P4HA1: variants seen among roughly 807,000 people sequenced by gnomAD.
P4HA1 encodes the protein prolyl 4-hydroxylase subunit alpha-1.
A neutral mutation model predicts 72.8 loss-of-function variants in P4HA1; 24 were observed. The ratio of observed to expected loss-of-function variants is 0.33; its 90% CI spans 0.24 to 0.46. The LOEUF (loss-of-function observed/expected upper bound fraction) is 0.46, where lower values mean the gene tolerates loss of function less well. Ranked by LOEUF, P4HA1 falls within the 20% of genes least tolerant of loss-of-function variation. The pLI is 1.00. For synonymous variants in P4HA1, 201 were observed against 218.8 expected (o/e 0.92, Z 0.72); for missense variants, 446 against 640.6 (o/e 0.70, Z 3.28).
rs1204915607 is a variant in P4HA1 at position 73,053,576 on chromosome 10, A to G, written c.478T>C (p.Ser160Pro). The change falls in exon 6 of 15, where the codon TCT becomes CCT. Residue 160 changes from serine to proline, a missense_variant. Coordinates refer to ENST00000394890, the MANE Select transcript of P4HA1 (RefSeq NM_001017962.3). ...AAGCAGTCCTCAGCCGTTAGAAAAG[A>G]TTTGTGTTTCACTCCTATGAAAAGA... ...KGNLPGVKHK[S>P]FLTAEDCFEL... The G allele has an allele frequency of 6.2e-7, 1 of 1,613,754 alleles. No homozygotes were observed. The highest frequency in any genetic ancestry group is 2.2e-5 in the East Asian group (1 of 44,870).
At chr10:73,090,814 A>G (rs1452179619) in intron 1 of P4HA1, among the ~76,000 whole-genome samples, 2 of 151,986 alleles carry the variant, frequency 1.3e-5, no homozygotes, top group East Asian at 3.9e-4. Context: ...TAATCCCAGC[A>G]CTTTGGGAGG....
intron 1 of P4HA1, among the ~76,000 whole-genome samples, chr10:73,089,875 T>A (rs1841993766): frequency 6.6e-6 from 1 of 152,192 alleles, no homozygotes; most frequent in African/African-American, 2.4e-5. Flanking sequence ...ATACTGCCGA[T>A]GCCCCGGCTA....
At position 73,051,035 on chromosome 10, in the gene P4HA1, T is replaced by C. The variant is rs529115205; in HGVS notation, c.900+18A>G. On this transcript the variant is annotated intron_variant, in intron 7 of 14. Coordinates refer to ENST00000394890, the MANE Select transcript of P4HA1 (RefSeq NM_001017962.3). Reference sequence around the variant, plus strand: ...CACACACACATTCACATACACACAATTGGCTTTTCCACTTTACCATTTTGA... The same window carrying C: ...CACACACACATTCACATACACACAACTGGCTTTTCCACTTTACCATTTTGA... The C allele has an allele frequency of 3.1e-6, 5 of 1,589,444 alleles. No individual in the cohort carries two copies. Among genetic ancestry groups the C allele is most frequent in the African/African-American group, 1.3e-5 (1 of 74,370 alleles).
chr10:73,047,908 C>T (rs1840912451), intron 7 of P4HA1, among the ~76,000 whole-genome samples: 3 of 152,008 alleles, frequency 2.0e-5, no homozygotes, highest in Admixed American at 1.3e-4. Flanking sequence ...AAAAATTAGC[C>T]GGACATGAGG....
chr10:73,059,424 TAAAAAAAAAAAAAAAAAAAAA>T (rs920360586), intron 5 of P4HA1, among the ~76,000 whole-genome samples: 32 of 24,180 alleles, frequency 1.3e-3, no homozygotes, highest in East Asian at 0.011. Context: ...ACAATATATT[TAAAAAAAAAAAAAAAAAAAAA>T]AAAAAAAAAA....
At chr10:73,027,797 G>A (rs1404333571) in intron 10 of P4HA1, among the ~76,000 whole-genome samples, 1 of 135,482 alleles carries the variant, frequency 7.4e-6, no homozygotes, top group Non-Finnish European at 1.6e-5. Context: ...AACATGGAAG[G>A]AAGGAAATAT....
At position 73,044,941 on chromosome 10, in the gene P4HA1, C is replaced by T. The variant is rs139417486; in HGVS notation, c.1148+40G>A. On this transcript the variant is annotated intron_variant, in intron 9 of 14. Transcript: ENST00000394890. ...TAATTCCTGTAAGATGTATAAAACA[C>T]TCATTAGAGGGCAAAATATGCAGCA... The T allele has an allele frequency of 1.1e-4, 159 of 1,504,948 alleles. No homozygotes were observed. The African/African-American group carries it at 1.6e-3, about 15-fold the overall frequency. 93.2% of individuals were successfully genotyped at this position (1,504,948 alleles called of 1,614,324 possible).
chr10:73,069,850 G>A (rs1841511330), intron 4 of P4HA1, among the ~76,000 whole-genome samples: 1 of 149,168 alleles, frequency 6.7e-6, no homozygotes, highest in South Asian at 2.1e-4. Context: ...TGTCATCCAG[G>A]CTGGAGAGCA....
At chr10:73,058,109 AAAAAAAAAAAG>A (rs1441134478) in intron 5 of P4HA1, among the ~76,000 whole-genome samples, 2 of 150,584 alleles carry the variant, frequency 1.3e-5, no homozygotes, top group African/African-American at 4.9e-5. Flanking sequence ...AAAAAAAAAA[AAAAAAAAAAAG>A]GTGAATAAAG....
At chr10:73,045,923 A>T (rs1254035199) in intron 8 of P4HA1, among the ~76,000 whole-genome samples, 1 of 151,990 alleles carries the variant, frequency 6.6e-6, no homozygotes, top group Non-Finnish European at 1.5e-5. Flanking sequence ...CTCTAAAAGA[A>T]ATTCTAACTT....
intron 5 of P4HA1, among the ~76,000 whole-genome samples, chr10:73,066,849 G>A (rs1324761315): frequency 6.6e-6 from 1 of 152,146 alleles, no homozygotes; most frequent in African/African-American, 2.4e-5. Flanking sequence ...CTGTGAAGAA[G>A]TGCCTTCTGC....
chr10:73,053,096 G>T (rs1364271349), intron 6 of P4HA1, among the ~76,000 whole-genome samples: 1 of 152,110 alleles, frequency 6.6e-6, no homozygotes, highest in Non-Finnish European at 1.5e-5. Flanking sequence ...ACTTAGTTAC[G>T]TTAGCTTCAA....
chr10:73,078,502 G>A (rs1217611706), intron 1 of P4HA1, among the ~76,000 whole-genome samples: 1 of 144,820 alleles, frequency 6.9e-6, no homozygotes, highest in Non-Finnish European at 1.5e-5. Flanking sequence ...TCAAAACGAA[G>A]AAAAATTAAC....
intron 10 of P4HA1, among the ~76,000 whole-genome samples, chr10:73,027,478 T>C (rs1401035433): frequency 6.6e-6 from 1 of 150,688 alleles, no homozygotes; most frequent in East Asian, 2.0e-4. Context: ...GGAATAGCAT[T>C]AGGAGAAATA....
intron 10 of P4HA1, among the ~76,000 whole-genome samples, chr10:73,024,714 A>C (rs1250376079): frequency 6.6e-6 from 1 of 152,340 alleles, no homozygotes; most frequent in South Asian, 2.1e-4. Context: ...TGGTTTTTTG[A>C]AAAGATCAAC....
In P4HA1 at chr10:73,051,174, T is replaced by C. The variant is rs200458532; in HGVS notation, c.779A>G (p.Lys260Arg). The C allele has an allele frequency of 5.6e-6, 9 of 1,610,638 alleles. No individual in the cohort carries two copies. Among genetic ancestry groups the C allele is most frequent in the Admixed American group, 5.0e-5 (3 of 60,012 alleles). The change falls in exon 7 of 15, where the codon AAG becomes AGG. Residue 260 changes from lysine (K) to arginine (R), a missense_variant. Physicochemically the swap from Lys to Arg is conservative, Grantham distance 26. Coordinates refer to ENST00000394890, the MANE Select transcript of P4HA1 (RefSeq NM_001017962.3). ...ATCAGATTGGTCATCTGAAGCAGAC[T>C]TATTGACATCTTTTTCTTTAGCCAT... is the stretch of plus-strand genomic sequence containing the variant. The part of the protein sequence containing the change: ...YIMAKEKDVN[K>R]SASDDQSDQK...
chr10:73,041,841 C>T (rs1204493422), intron 9 of P4HA1, among the ~76,000 whole-genome samples: 1 of 145,798 alleles, frequency 6.9e-6, no homozygotes, highest in Non-Finnish European at 1.5e-5. Flanking sequence ...TTTCTTTTCT[C>T]TTTTTTTTTT....
At chr10:73,011,142 C>T in intron 12 of P4HA1, 105 bp from the exon 13 acceptor site, 1 of 859,002 alleles carries the variant, frequency 1.2e-6, no homozygotes. Context: ...AACATATGGA[C>T]TTGTTCTTAT....
At chr10:73,089,001 A>G (rs1357550654) in intron 1 of P4HA1, among the ~76,000 whole-genome samples, 1 of 152,196 alleles carries the variant, frequency 6.6e-6, no homozygotes, top group Non-Finnish European at 1.5e-5. Context: ...TAATTTTAGA[A>G]TCGGCTCATT....
Sources: allele counts gnomAD v4.1 joint callset (sites outside exome capture counted in the v4.1 genomes callset), GRCh38; gene constraint gnomAD v4.1.1; transcripts MANE v1.5; gene names NCBI Gene and HGNC (gene_info 2026-07-23, HGNC 2026-07-21).